Variants in CYYR1 observed in about 807,000 individuals in gnomAD.
The protein encoded by CYYR1 is cysteine and tyrosine-rich protein 1.
A neutral mutation model predicts 15.2 loss-of-function variants in CYYR1; 14 were observed. That is an observed-to-expected ratio of 0.92 (90% CI 0.61 to 1.44). CYYR1 has a LOEUF of 1.44. Ranked by LOEUF, CYYR1 falls within the 40% of genes most tolerant of loss-of-function variation. CYYR1 has a pLI of 0.00. For synonymous variants in CYYR1, 80 were observed against 77.4 expected, an observed-to-expected ratio of 1.03 and a Z score of -0.18; for missense variants, 228 against 209.5, an observed-to-expected ratio of 1.09 and a Z score of -0.54.
At chr21:26,489,264 TA>T (rs1601743495) in intron 2 of CYYR1, among the ~76,000 whole-genome samples, 1 of 152,156 alleles carries the variant, frequency 6.6e-6, no homozygotes, top group African/African-American at 2.4e-5. Flanking sequence ...AAAATGAGAA[TA>T]AAAAGTGCTC....
At chr21:26,482,280 C>G (rs2830251) in intron 2 of CYYR1, 435,716 of 967,860 alleles carry the variant, frequency 0.45, 99,846 homozygotes, top group African/African-American at 0.54. Context: ...TATTTTTAAA[C>G]AATTTCCATG....
intron 3 of CYYR1, among the ~76,000 whole-genome samples, chr21:26,472,550 T>C (rs1457808430): frequency 6.6e-6 from 1 of 152,164 alleles, no homozygotes; most frequent in African/African-American, 2.4e-5. Context: ...ACAGCTAGGT[T>C]TGACACTGTT....
chr21:26,476,650 T>C (rs2065109236), intron 3 of CYYR1, among the ~76,000 whole-genome samples: 1 of 151,216 alleles, frequency 6.6e-6, no homozygotes, highest in African/African-American at 2.4e-5. Context: ...TATCTATCTA[T>C]CTATCTAAAA....
intron 2 of CYYR1, among the ~76,000 whole-genome samples, chr21:26,539,195 G>A (rs145943317): frequency 5.3e-5 from 8 of 152,202 alleles, no homozygotes; most frequent in African/African-American, 1.9e-4. Flanking sequence ...TCACAGACTC[G>A]CTGGTTAAAA....
At chr21:26,506,051 A>G (rs2065556217) in intron 2 of CYYR1, among the ~76,000 whole-genome samples, 1 of 152,114 alleles carries the variant, frequency 6.6e-6, no homozygotes, top group African/African-American at 2.4e-5. Context: ...GACCACACCA[A>G]CATATAGCAT....
At chr21:26,507,203 C>G (rs2065579402) in intron 2 of CYYR1, among the ~76,000 whole-genome samples, 1 of 152,168 alleles carries the variant, frequency 6.6e-6, no homozygotes, top group Non-Finnish European at 1.5e-5. Flanking sequence ...ACTCAGCCAC[C>G]AGTTACAACA....
rs778243821 is a variant in CYYR1 at position 26,468,458 on chromosome 21, G to T, written c.*43C>A. On this transcript the variant is annotated 3_prime_UTR_variant, in exon 4 of 4. Transcript: ENST00000652641. Reference sequence around the variant, plus strand: ...TTCTGAGTAGAGGCATTTTATTCCAGGCAAGATCGCCCATTGGCACATGTT... The same window carrying T: ...TTCTGAGTAGAGGCATTTTATTCCATGCAAGATCGCCCATTGGCACATGTT... The T allele has an allele frequency of 4.4e-5, 56 of 1,263,838 alleles. No individual in the cohort carries two copies. Among genetic ancestry groups the T allele is most frequent in the Non-Finnish European group, 6.4e-5 (55 of 860,004 alleles). The allele number at this position is 1,263,838 out of a possible 1,614,324, so 78.3% of individuals were successfully genotyped here.
At chr21:26,483,090 A>T (rs1354732255) in intron 2 of CYYR1, among the ~76,000 whole-genome samples, 1 of 151,992 alleles carries the variant, frequency 6.6e-6, no homozygotes, top group African/African-American at 2.4e-5. Context: ...ATCCTTTTTA[A>T]AAAACTACTG....
chr21:26,526,710 G>C (rs1221194197), intron 2 of CYYR1, among the ~76,000 whole-genome samples: 2 of 152,150 alleles, frequency 1.3e-5, no homozygotes, highest in African/African-American at 4.8e-5. Context: ...ATAATATTCA[G>C]AAAATCCAAA....
chr21:26,521,649 T>A (rs2065805162), intron 2 of CYYR1, among the ~76,000 whole-genome samples: 1 of 152,204 alleles, frequency 6.6e-6, no homozygotes, highest in South Asian at 2.1e-4. Flanking sequence ...CTTGAGTATA[T>A]CTCATTCCAA....
chr21:26,573,276 G>T lies in CYYR1; in HGVS notation c.-336C>A, dbSNP rs1426354471. ...GGCTCACATTTCATCTCCGCGGGTG[G>T]CAACGACTGCGGGCAGGGGGCGGGG... On this transcript the variant is annotated 5_prime_UTR_variant, in exon 1 of 4. Coordinates refer to ENST00000652641, the MANE Select transcript of CYYR1 (RefSeq NM_001320768.2). The T allele has an allele frequency of 7.7e-7, 1 of 1,303,926 alleles. No homozygotes were observed. The highest frequency in any genetic ancestry group is 4.8e-5 in the East Asian group (1 of 20,670). The allele number at this position is 1,303,926 out of a possible 1,614,324, so 80.8% of individuals were successfully genotyped here. A position where few individuals can be genotyped will look rare whatever the true frequency, so the allele number is the denominator to read the frequency against.
intron 3 of CYYR1, chr21:26,478,121 C>T (rs1309252290): frequency 1.6e-5 from 25 of 1,549,344 alleles, no homozygotes; most frequent in African/African-American, 2.7e-5. Context: ...ATCTCTGCCT[C>T]ATGGAGTTCA....
intron 2 of CYYR1, among the ~76,000 whole-genome samples, chr21:26,553,175 T>TG (rs1339803490): frequency 5.3e-5 from 8 of 152,198 alleles, no homozygotes; most frequent in Non-Finnish European, 1.2e-4. Flanking sequence ...GCCACTTTCC[T>TG]GGCCTCTAAG....
chr21:26,528,969 T>C (rs1232133058), intron 2 of CYYR1, among the ~76,000 whole-genome samples: 1 of 152,202 alleles, frequency 6.6e-6, no homozygotes, highest in Non-Finnish European at 1.5e-5. Flanking sequence ...TTTAGTATGT[T>C]TCATGCAAAC....
intron 2 of CYYR1, among the ~76,000 whole-genome samples, chr21:26,505,200 C>T (rs1471702958): frequency 6.6e-6 from 1 of 152,174 alleles, no homozygotes; most frequent in Non-Finnish European, 1.5e-5. Flanking sequence ...AGTTTTGATG[C>T]TGTTAATTAC....
intron 2 of CYYR1, among the ~76,000 whole-genome samples, chr21:26,557,867 C>T (rs896757850): frequency 2.0e-5 from 3 of 152,134 alleles, no homozygotes; most frequent in African/African-American, 4.8e-5. Flanking sequence ...AATTCATTCC[C>T]GTTTCTGAAC....
chr21:26,551,944 T>G (rs2123686639), intron 2 of CYYR1: 2 of 153,176 alleles, frequency 1.3e-5, no homozygotes, highest in Middle Eastern at 6.6e-3. Flanking sequence ...AGTCAACTGA[T>G]GTAGCAGACT....
chr21:26,535,871 T>C (rs1201424413), intron 2 of CYYR1, among the ~76,000 whole-genome samples: 1 of 152,186 alleles, frequency 6.6e-6, no homozygotes, highest in Admixed American at 6.6e-5. Flanking sequence ...ATGTTCCCTT[T>C]GCCACTTATG....
chr21:26,511,987 T>TATACACACAC (rs140147080), intron 2 of CYYR1, among the ~76,000 whole-genome samples: 84 of 148,222 alleles, frequency 5.7e-4, no homozygotes, highest in African/African-American at 1.9e-3. Flanking sequence ...ATATCACACA[T>TATACACACAC]ACACACACAC....
Sources: allele counts gnomAD v4.1 joint callset (sites outside exome capture counted in the v4.1 genomes callset), GRCh38; gene constraint gnomAD v4.1.1; transcripts MANE v1.5; gene names NCBI Gene and HGNC (gene_info 2026-07-23, HGNC 2026-07-21).